Variants in GRIN1 observed in about 807,000 individuals in gnomAD.
GRIN1 encodes glutamate receptor ionotropic, NMDA 1.
GRIN1 carries 38 observed loss-of-function variants against 103.0 expected under a neutral mutation model. That is an observed-to-expected ratio of 0.37 (90% CI 0.28 to 0.48). GRIN1 has a LOEUF of 0.48. Among genes scored for constraint, GRIN1 ranks in the 20% least tolerant of loss-of-function variants. The probability of loss-of-function intolerance (pLI) is 0.98; values close to 1 mark genes in which losing one functional copy is unlikely to be tolerated. For missense variants in GRIN1, 577 were observed against 1,288.9 expected, an observed-to-expected ratio of 0.45 and a Z score of 8.46; for synonymous variants, 544 against 532.7, an observed-to-expected ratio of 1.02 and a Z score of -0.29.
In GRIN1 at chr9:137,158,702, A is replaced by G. The variant is rs1020446556; in HGVS notation, c.1195A>G (p.Lys399Glu). The G allele has an allele frequency of 6.2e-7, 1 of 1,610,988 alleles. No homozygotes were observed. The highest frequency in any genetic ancestry group is 8.5e-7 in the Non-Finnish European group (1 of 1,178,398). Residue 399 changes from lysine (K) to glutamate (E), a missense_variant and splice_region_variant, in exon 8 of 20, where the codon AAG (lysine) becomes GAG (glutamate). By Grantham distance (56) the Lys-to-Glu change is moderately conservative (BLOSUM62 1). Around this residue, in one of 9 missense-constraint regions of GRIN1, gnomAD observed 1 missense variants for 22.1 expected, o/e 0.05. Transcript: ENST00000371561. ...PRGYQMSTRLKIVTIHQEPFV... is the reference protein window; with the variant it reads ...PRGYQMSTRLEIVTIHQEPFV... Reference sequence around the variant, plus strand: ...AGGGTACCAGATGTCCACCAGACTGAAGGTGGGGGCCCCACAGACCTCCCT... The same window carrying G: ...AGGGTACCAGATGTCCACCAGACTGGAGGTGGGGGCCCCACAGACCTCCCT...
intron 16 of GRIN1, 56 bp from the exon 17 acceptor site, chr9:137,163,503 G>A: frequency 9.3e-7 from 1 of 1,074,850 alleles, no homozygotes; most frequent in Non-Finnish European, 1.4e-6. Context: ...CCCCCAGCTT[G>A]CTCCTTCCCG....
At position 137,156,774 on chromosome 9, in the gene GRIN1, G is replaced by A. The variant is rs1833249551; in HGVS notation, c.777G>A (p.Leu259=). 6.3e-7 allele frequency: 1 copy of A among 1,590,998 alleles called. No homozygotes were observed. Among genetic ancestry groups the A allele is most frequent in the Non-Finnish European group, 8.5e-7 (1 of 1,170,086 alleles). Residue 259 remains leucine, a synonymous_variant, in exon 5 of 20, where the codon CTG becomes CTA. Transcript: ENST00000371561. ...VGEREISGNA[L]RYAPDGILGL... ...AGCGCGAGATCTCGGGGAACGCCCT[G>A]CGCTACGCCCCAGACGGTGAGTGCT...
chr9:137,142,193 G>A (rs915130693), intron 2 of GRIN1, 46 bp downstream of exon 2: 1 of 1,605,850 alleles, frequency 6.2e-7, no homozygotes, highest in African/African-American at 1.3e-5. Context: ...CGGCCCCAGG[G>A]CACAGCCTGG....
chr9:137,143,878 G>C (rs189648110), intron 2 of GRIN1, among the ~76,000 whole-genome samples: 1 of 152,362 alleles, frequency 6.6e-6, no homozygotes, highest in East Asian at 1.9e-4. Flanking sequence ...CAGACACAGA[G>C]AACTGAGGCA....
intron 2 of GRIN1, among the ~76,000 whole-genome samples, chr9:137,144,468 T>C (rs373665532): frequency 0.078 from 11,815 of 151,308 alleles, 499 homozygotes; most frequent in Admixed American, 0.093. Context: ...TCCTGGCTAA[T>C]ACGGTGAAAC....
intron 4 of GRIN1, among the ~76,000 whole-genome samples, chr9:137,155,473 C>G (rs558390892): frequency 3.3e-5 from 5 of 152,224 alleles, no homozygotes; most frequent in Non-Finnish European, 7.3e-5. Context: ...GGCTTATTCT[C>G]GAGAAAACTG....
At chr9:137,157,771 C>T (rs1833316654) in intron 6 of GRIN1, among the ~76,000 whole-genome samples, 1 of 152,258 alleles carries the variant, frequency 6.6e-6, no homozygotes, top group South Asian at 2.1e-4. Context: ...ACAACGCCCA[C>T]ATAAGTGCAG....
At chr9:137,165,151 C>G in intron 18 of GRIN1, 35 bp from the exon 19 acceptor site, 4 of 1,445,724 alleles carry the variant, frequency 2.8e-6, no homozygotes, top group Non-Finnish European at 3.9e-6. Context: ...GGCCACCACC[C>G]TAGCCATCTA....
At chr9:137,148,963 T>C (rs201923566) in intron 3 of GRIN1, 46 bp from the exon 4 acceptor site, 26 of 1,370,926 alleles carry the variant, frequency 1.9e-5, no homozygotes, top group African/African-American at 2.9e-5. Context: ...TGAGGCGCTA[T>C]GTCCCCTGCC....
chr9:137,151,379 G>A (rs565261454), intron 4 of GRIN1, among the ~76,000 whole-genome samples: 16 of 120,340 alleles, frequency 1.3e-4, no homozygotes, highest in Admixed American at 3.4e-4. Flanking sequence ...CCCACCCAGG[G>A]AAAGCCCAGC....
At chr9:137,166,766 G>T (rs1210253465) in intron 19 of GRIN1, among the ~76,000 whole-genome samples, 1 of 152,278 alleles carries the variant, frequency 6.6e-6, no homozygotes, top group African/African-American at 2.4e-5. Context: ...GCTGCGGAAA[G>T]CGGGCAGAGC....
chr9:137,147,384 G>T (rs903005755), intron 3 of GRIN1, among the ~76,000 whole-genome samples: 2 of 151,964 alleles, frequency 1.3e-5, no homozygotes, highest in Non-Finnish European at 2.9e-5. Flanking sequence ...CCTTACTTGC[G>T]CCAGCCAGCA....
At position 137,161,435 on chromosome 9, in the gene GRIN1, G is replaced by A. The variant is rs777326804; in HGVS notation, c.1467+19G>A. 70 of 1,606,464 alleles carry A rather than the reference G, an allele frequency of 4.4e-5. No individual in the cohort carries two copies. Among genetic ancestry groups the A allele is most frequent in the Non-Finnish European group, 5.4e-5 (64 of 1,176,980 alleles). On this transcript the variant is annotated intron_variant, in intron 10 of 19. Transcript: ENST00000371561. The stretch of plus-strand genomic sequence containing the variant: ...GGAGCGGGTAGGCTGGACGGCGGGG[G>A]TGGGGACCAGCGTGAGAGGGGCCTG...
At chr9:137,159,295 C>A (rs992530531) in intron 8 of GRIN1, among the ~76,000 whole-genome samples, 31 of 152,334 alleles carry the variant, frequency 2.0e-4, no homozygotes, top group African/African-American at 7.0e-4. Flanking sequence ...ACACTCCAGT[C>A]CTGGTAGCAT....
intron 10 of GRIN1, 57 bp from the exon 11 acceptor site, chr9:137,161,867 T>C (rs1236367794): frequency 6.5e-7 from 1 of 1,532,382 alleles, no homozygotes; most frequent in East Asian, 2.4e-5. Flanking sequence ...CGGGGGTACC[T>C]GTGGCGGGAG....
Position 137,139,253 on chromosome 9 carries a change from G to A in GRIN1, c.-234G>A. 1 of 183,000 alleles carries A rather than the reference G, an allele frequency of 5.5e-6. No individual in the cohort carries two copies. The allele number at this position is 183,000 out of a possible 1,614,324, so 11.3% of individuals were successfully genotyped here. A position where few individuals can be genotyped will look rare whatever the true frequency, so the allele number is the denominator to read the frequency against. Reference sequence around the variant, plus strand: ...AGCCGGGCGCTCGGAGCTGTGCCCGGCCCCGCTTCAGCACCGCGGACAGCG... The same window carrying A: ...AGCCGGGCGCTCGGAGCTGTGCCCGACCCCGCTTCAGCACCGCGGACAGCG... On this transcript the variant is annotated 5_prime_UTR_variant, in exon 1 of 20. Coordinates refer to ENST00000371561, the MANE Select transcript of GRIN1 (RefSeq NM_007327.4). This position sits in a 1 kb window ranked among gnomAD's most constrained non-coding sequence, Gnocchi z 7.7.
At chr9:137,153,687 C>G (rs951796591) in intron 4 of GRIN1, among the ~76,000 whole-genome samples, 3 of 152,152 alleles carry the variant, frequency 2.0e-5, no homozygotes, top group Admixed American at 6.5e-5. Flanking sequence ...GCACATACAT[C>G]ACAACACACA....
In GRIN1 at chr9:137,146,931, G is replaced by T. The variant is rs1259865499; in HGVS notation, c.570+1029G>T. Among the ~76,000 whole-genome samples the T allele has an allele frequency of 1.3e-5, 2 of 151,946 alleles. No homozygotes were observed. Among genetic ancestry groups the T allele is most frequent in the African/African-American group, 2.4e-5 (1 of 41,340 alleles). On this transcript the variant is annotated intron_variant, in intron 3 of 19. Transcript: ENST00000371561. This position sits in a 1 kb window ranked among gnomAD's most constrained non-coding sequence, Gnocchi z 6.7. ...GGTCCTGGGAGTACTGTCGTGGGGG[G>T]TCTGCTGAGTCTTGGGGGGGAGGGG...
At chr9:137,163,497 CA>C in intron 16 of GRIN1, 61 bp from the exon 17 acceptor site, 1 of 1,359,008 alleles carries the variant, frequency 7.4e-7, no homozygotes, top group East Asian at 2.3e-5. Flanking sequence ...GCCCCGCCCC[CA>C]GCTTGCTCCT....
Sources: allele counts gnomAD v4.1 joint callset (sites outside exome capture counted in the v4.1 genomes callset), GRCh38; gene constraint gnomAD v4.1.1; regional missense constraint gnomAD v4.1.1; non-coding constraint Gnocchi (gnomAD v3.1); transcripts MANE v1.5; gene names NCBI Gene and HGNC (gene_info 2026-07-23, HGNC 2026-07-21).